The following ATR variants were observed in gnomAD, a reference collection of about 807,000 sequenced individuals.
The protein encoded by ATR is serine/threonine-protein kinase ATR.
ATR carries 142 observed loss-of-function variants against 305.3 expected under a neutral mutation model. That is an observed-to-expected ratio of 0.47 (90% CI 0.41 to 0.53). The LOEUF (loss-of-function observed/expected upper bound fraction) is 0.53. ATR is among the 20% of genes least tolerant of loss of function. The pLI, the probability that ATR is intolerant of heterozygous loss-of-function variation, is 0.00. For synonymous variants in ATR, 1,050 were observed against 1,068.1 expected, an observed-to-expected ratio of 0.98 and a Z score of 0.33; for missense variants, 2,135 against 3,133.1, an observed-to-expected ratio of 0.68 and a Z score of 7.60.
At chr3:142,555,462 G>A (rs1017040594) in intron 10 of ATR, among the ~76,000 whole-genome samples, 2 of 152,004 alleles carry the variant, frequency 1.3e-5, no homozygotes, top group Non-Finnish European at 2.9e-5. Context: ...CATTACCACT[G>A]GAAAGTGGCC....
chr3:142,547,680 A>G lies in ATR; in HGVS notation c.3357+45T>C, dbSNP rs760638305. 3.8e-6 allele frequency: 6 copies of G among 1,580,640 alleles called. No individual in the cohort carries two copies. The Admixed American group carries it at 1.0e-4, about 27-fold the overall frequency. ...TTCAATTTTATAATTAAGCTGCAAA[A>G]GGAAGAAAAACAAACAAAAAAACCT... On this transcript the variant is annotated intron_variant, in intron 16 of 46. Transcript: ENST00000350721.
chr3:142,562,656 A>T lies in ATR; in HGVS notation c.746T>A (p.Ile249Asn). The change falls in exon 4 of 47, where the codon ATT becomes AAT. Residue 249 changes from isoleucine to asparagine, a missense_variant. Ile to Asn is a moderately radical substitution (Grantham distance 149). Coordinates refer to ENST00000350721, the MANE Select transcript of ATR (RefSeq NM_001184.4). ...CTGAAAAAGTTCTGTTAAAAAGCTAATTGCTAGGGATTTAATTTTTGGACT... is the reference window on the plus strand; with the variant it reads ...CTGAAAAAGTTCTGTTAAAAAGCTATTTGCTAGGGATTTAATTTTTGGACT... ...YGSPKIKSLA[I>N]SFLTELFQLG... 6.2e-7 allele frequency: 1 copy of T among 1,614,102 alleles called. No homozygotes were observed. Among genetic ancestry groups the T allele is most frequent in the Non-Finnish European group, 8.5e-7 (1 of 1,179,988 alleles).
At chr3:142,527,592 G>C (rs2033448252) in intron 21 of ATR, among the ~76,000 whole-genome samples, 1 of 151,870 alleles carries the variant, frequency 6.6e-6, no homozygotes, top group South Asian at 2.1e-4. Flanking sequence ...CTAGTTTTTT[G>C]CTAGCATTTT....
At chr3:142,520,278 A>T (rs1011254946) in intron 23 of ATR, among the ~76,000 whole-genome samples, 10 of 152,106 alleles carry the variant, frequency 6.6e-5, no homozygotes, top group African/African-American at 2.4e-4. Context: ...AGAATATTGA[A>T]ATTAGGCCAA....
At chr3:142,499,844 T>TA in intron 30 of ATR, 126 bp from the exon 31 acceptor site, 1 of 785,648 alleles carries the variant, frequency 1.3e-6, no homozygotes, top group Non-Finnish European at 2.0e-6. Flanking sequence ...ATTTTGTTCT[T>TA]AGATATAAAA....
chr3:142,468,153 A>G lies in ATR; in HGVS notation c.6553-85T>C, dbSNP rs941108177. 72 of 1,491,616 alleles carry G rather than the reference A, an allele frequency of 4.8e-5. 1 individual carries two copies. In the East Asian group the frequency reaches 1.6e-3, roughly 34 times the overall value. 92.4% of individuals were successfully genotyped at this position (1,491,616 alleles called of 1,614,324 possible). On this transcript the variant is annotated intron_variant, in intron 38 of 46. Transcript: ENST00000350721. ...AAATTTTTTGCTTGACAAAAAACTT[A>G]AAAAGTATTCATGATGAGAGTTTAT...
At chr3:142,481,082 G>A (rs553632408) in intron 36 of ATR, among the ~76,000 whole-genome samples, 1 of 152,222 alleles carries the variant, frequency 6.6e-6, no homozygotes, top group African/African-American at 2.4e-5. Flanking sequence ...TCGGTGCGCT[G>A]CACCCACTGT....
rs2070733790 is a variant in ATR at position 142,449,558 on chromosome 3, T to G, written c.7806A>C (p.Val2602=). 1 of 1,614,172 alleles carries G rather than the reference T, an allele frequency of 6.2e-7. No homozygotes were observed. Among genetic ancestry groups the G allele is most frequent in the Non-Finnish European group, 8.5e-7 (1 of 1,180,012 alleles). The change falls in exon 47 of 47, where the codon GTA becomes GTC. Residue 2602 remains valine (V), a synonymous_variant. Transcript: ENST00000350721. The part of the protein sequence containing the change: ...VLDIEQRLQG[V]IKTRNRVTGL... ...CTGTCACTCTATTTCGAGTCTTGAT[T>G]ACACCTTGTAGTCGCTGCTCAATGT...
chr3:142,484,695 T>G (rs550910546), intron 36 of ATR, among the ~76,000 whole-genome samples: 2 of 152,146 alleles, frequency 1.3e-5, no homozygotes, highest in East Asian at 3.9e-4. Context: ...GACTTGCAAC[T>G]AAGGGAAGGA....
intron 16 of ATR, among the ~76,000 whole-genome samples, chr3:142,544,621 CAAAAAAAAAAA>C (rs71153972): frequency 7.2e-5 from 6 of 83,630 alleles, no homozygotes; most frequent in Non-Finnish European, 9.7e-5. Context: ...AAGAAAGGAG[CAAAAAAAAAAA>C]AAAAAAAAAA....
intron 27 of ATR, among the ~76,000 whole-genome samples, chr3:142,510,724 C>G (rs958051648): frequency 6.6e-6 from 1 of 151,620 alleles, no homozygotes; most frequent in African/African-American, 2.4e-5. Context: ...AGCCTGAAAG[C>G]CTGAAGGAAA....
chr3:142,459,316 T>C lies in ATR; in HGVS notation c.7260A>G (p.Lys2420=). 1 of 1,613,640 alleles carries C rather than the reference T, an allele frequency of 6.2e-7. No individual in the cohort carries two copies. The highest frequency in any genetic ancestry group is 8.5e-7 in the Non-Finnish European group (1 of 1,179,796). Residue 2420 remains lysine (K), a synonymous_variant, in exon 43 of 47, where the codon AAA becomes AAG. Transcript: ENST00000350721. ...GGAGAAATTCTCGGAATACTTTGAGTTTTTCAGATAAAGCTGCTGACTTTG... is the reference window on the plus strand; with the variant it reads ...GGAGAAATTCTCGGAATACTTTGAGCTTTTCAGATAAAGCTGCTGACTTTG... ...MLPKSAALSE[K]LKVFREFLLP...
At position 142,521,469 on chromosome 3, in the gene ATR, G is replaced by A. The variant is rs530757907; in HGVS notation, c.4266+1259C>T. On this transcript the variant is annotated intron_variant, in intron 23 of 46. Transcript: ENST00000350721. ...AAATACATTTTATAAGGTTATAGCG[G>A]CCACAGATAGTAATTCCTCTGATGG... 3.9e-5 allele frequency among the ~76,000 whole-genome samples: 6 copies of A among 152,290 alleles called. No individual in the cohort carries two copies. In the South Asian group the frequency reaches 1.2e-3, roughly 32 times the overall value.
At chr3:142,458,861 A>T in intron 44 of ATR, 97 bp downstream of exon 44, 1 of 1,378,806 alleles carries the variant, frequency 7.3e-7, no homozygotes, top group Non-Finnish European at 1.0e-6. Context: ...AACTGTGAGT[A>T]TAACTGCTAC....
At chr3:142,505,014 A>T in intron 29 of ATR, 125 bp downstream of exon 29, 1 of 1,213,154 alleles carries the variant, frequency 8.2e-7, no homozygotes, top group Non-Finnish European at 1.2e-6. Flanking sequence ...ACTGCACTCC[A>T]GCCTGGCCAA....
chr3:142,502,471 G>GGGGA (rs2032023181), intron 30 of ATR, among the ~76,000 whole-genome samples: 1 of 152,026 alleles, frequency 6.6e-6, no homozygotes, highest in Admixed American at 6.6e-5. Context: ...ACAAGGGGTG[G>GGGGA]GGGAGGGAGG....
At chr3:142,491,130 C>T (rs893310031) in intron 35 of ATR, among the ~76,000 whole-genome samples, 3 of 152,070 alleles carry the variant, frequency 2.0e-5, no homozygotes, top group Non-Finnish European at 2.9e-5. Flanking sequence ...TACCAATTAG[C>T]AGTCACTTCC....
chr3:142,550,256 T>C lies in ATR; in HGVS notation c.2852A>G (p.Asn951Ser), dbSNP rs1487781332. 2 of 1,614,034 alleles carry C rather than the reference T, an allele frequency of 1.2e-6. No individual in the cohort carries two copies. Among genetic ancestry groups the C allele is most frequent in the African/African-American group, 1.3e-5 (1 of 74,936 alleles). Residue 951 changes from asparagine (N) to serine (S), a missense_variant, in exon 14 of 47, where the codon AAT (asparagine) becomes AGT (serine). By Grantham distance (46) the Asn-to-Ser change is conservative. Transcript: ENST00000350721. ...CACGTCAGCATTCTGGCATGGAGTA[T>C]TCGGAAGTGCTGTCATCTGACTAGA... ...LHSSQMTALP[N>S]TPCQNADVRK...
intron 1 of ATR, among the ~76,000 whole-genome samples, chr3:142,568,486 T>C (rs977481441): frequency 6.6e-6 from 1 of 152,216 alleles, no homozygotes; most frequent in East Asian, 1.9e-4. Context: ...GCAGCCCAGT[T>C]GGAGCGGTGA....
Sources: allele counts gnomAD v4.1 joint callset (sites outside exome capture counted in the v4.1 genomes callset), GRCh38; gene constraint gnomAD v4.1.1; transcripts MANE v1.5; gene names NCBI Gene and HGNC (gene_info 2026-07-23, HGNC 2026-07-21).